EVA1C: variants seen among roughly 807,000 people sequenced by gnomAD.
EVA1C encodes eva-1 homolog C.
EVA1C carries 25 observed loss-of-function variants against 45.4 expected under a neutral mutation model. The ratio of observed to expected loss-of-function variants is 0.55; its 90% confidence interval spans 0.40 to 0.77. EVA1C has a LOEUF of 0.77. Ranked by LOEUF, EVA1C falls within the 30% of genes least tolerant of loss-of-function variation. The pLI is 0.00. For synonymous variants in EVA1C, 190 were observed against 221.2 expected, an observed-to-expected ratio of 0.86 and a Z score of 1.25; for missense variants, 479 against 554.8, an observed-to-expected ratio of 0.86 and a Z score of 1.37.
chr21:32,508,441 A>T (rs1337603585), intron 7 of EVA1C, among the ~76,000 whole-genome samples: 1 of 152,106 alleles, frequency 6.6e-6, no homozygotes, highest in Non-Finnish European at 1.5e-5. Flanking sequence ...TAAGGGAGGA[A>T]CTCTAGGGCC....
At chr21:32,504,421 G>T (rs2037657229) in intron 7 of EVA1C, among the ~76,000 whole-genome samples, 1 of 152,200 alleles carries the variant, frequency 6.6e-6, no homozygotes, top group Non-Finnish European at 1.5e-5. Context: ...TGAAGACAGA[G>T]CCACTTTCTG....
At chr21:32,421,202 G>C (rs1268733110) in intron 1 of EVA1C, among the ~76,000 whole-genome samples, 5 of 116,942 alleles carry the variant, frequency 4.3e-5, no homozygotes, top group African/African-American at 1.8e-4. Flanking sequence ...AGAGAACTAG[G>C]GATGATAGCT....
At chr21:32,467,903 A>AG in intron 4 of EVA1C, 55 bp downstream of exon 4, 3 of 1,118,104 alleles carry the variant, frequency 2.7e-6, no homozygotes, top group Non-Finnish European at 3.6e-6. Flanking sequence ...CAGAATTAAT[A>AG]GAATATATAT....
chr21:32,422,411 A>G (rs1311371640), intron 1 of EVA1C, among the ~76,000 whole-genome samples: 1 of 152,188 alleles, frequency 6.6e-6, no homozygotes, highest in Non-Finnish European at 1.5e-5. Context: ...GGAAAAGGAG[A>G]GAGAGGCAAC....
chr21:32,514,862 G>T lies in EVA1C; in HGVS notation c.998G>T (p.Gly333Val), dbSNP rs2038085595. ...ALLFVSSVCI[G>V]LALTLCALVI... is the part of the protein sequence containing the mutation. ...CTGTTCGTGTCCAGTGTCTGCATCG[G>T]CCTGGCCCTCACACTGTGCGCCCTG... The change falls in exon 8 of 8, where the codon GGC becomes GTC. Residue 333 changes from glycine to valine, a missense_variant. Gly to Val is a moderately radical substitution (Grantham distance 109). Around this residue, in one of 3 missense-constraint regions of EVA1C, gnomAD observed 366 missense variants for 426.1 expected, o/e 0.86. Transcript: ENST00000300255. The T allele has an allele frequency of 1.9e-6, 3 of 1,608,646 alleles. No homozygotes were observed. The highest frequency in any genetic ancestry group is 2.5e-6 in the Non-Finnish European group (3 of 1,177,208).
At chr21:32,418,213 C>T (rs2146101994) in intron 1 of EVA1C, among the ~76,000 whole-genome samples, 1 of 152,288 alleles carries the variant, frequency 6.6e-6, no homozygotes, top group East Asian at 1.9e-4. Flanking sequence ...TTTATCTTTA[C>T]TTTAAAAAAA....
intron 2 of EVA1C, among the ~76,000 whole-genome samples, chr21:32,454,574 C>T (rs1006608209): frequency 6.6e-6 from 1 of 151,502 alleles, no homozygotes; most frequent in Non-Finnish European, 1.5e-5. Flanking sequence ...ACTAGTTGAC[C>T]AGGATTACTG....
intron 1 of EVA1C, among the ~76,000 whole-genome samples, chr21:32,425,737 G>T (rs990515949): frequency 3.3e-5 from 5 of 152,118 alleles, no homozygotes; most frequent in Non-Finnish European, 7.3e-5. Flanking sequence ...GAGTGATTTT[G>T]TCCCTTGGGA....
intron 1 of EVA1C, among the ~76,000 whole-genome samples, chr21:32,431,171 C>T (rs975107854): frequency 6.6e-6 from 1 of 152,168 alleles, no homozygotes; most frequent in Non-Finnish European, 1.5e-5. Flanking sequence ...TTCTTGAATG[C>T]ACATTGGCCT....
In EVA1C at chr21:32,453,386, C is replaced by A. The variant is rs551596759; in HGVS notation, c.235C>A (p.Arg79=). 2.5e-6 allele frequency: 4 copies of A among 1,611,580 alleles called. No homozygotes were observed. The highest frequency in any genetic ancestry group is 2.5e-6 in the Non-Finnish European group (3 of 1,179,498). The change falls in exon 2 of 8, where the codon CGG becomes AGG. Residue 79 remains arginine (R), a synonymous_variant. Coordinates refer to ENST00000300255, the MANE Select transcript of EVA1C (RefSeq NM_058187.5). The part of the protein sequence containing the change: ...DGDYLNLQCP[R]HSTISVQSAF... Reference sequence around the variant, plus strand: ...GGACTATTTGAATCTACAGTGCCCTCGGCATTCTACGATAAGTGTCCAATC... The same window carrying A: ...GGACTATTTGAATCTACAGTGCCCTAGGCATTCTACGATAAGTGTCCAATC...
chr21:32,434,537 G>C (rs1182856871), intron 1 of EVA1C, among the ~76,000 whole-genome samples: 1 of 152,004 alleles, frequency 6.6e-6, no homozygotes, highest in Admixed American at 6.6e-5. Context: ...CTTGCAGTGA[G>C]CCGAGATAGC....
intron 4 of EVA1C, among the ~76,000 whole-genome samples, chr21:32,494,219 T>C (rs2037265528): frequency 6.6e-6 from 1 of 152,222 alleles, no homozygotes; most frequent in African/African-American, 2.4e-5. Context: ...CAAATCTTCA[T>C]GTCAATTAGT....
Position 32,503,367 on chromosome 21 carries a change from G to A in EVA1C, c.860-559G>A, listed in dbSNP as rs184947292. Among the ~76,000 whole-genome samples the A allele has an allele frequency of 6.5e-4, 99 of 152,316 alleles. 1 individual carries two copies. The highest frequency in any genetic ancestry group is 2.1e-3 in the African/African-American group (88 of 41,572). On this transcript the variant is annotated intron_variant, in intron 6 of 7. Transcript: ENST00000300255. ...TCGAGACCAACCTGGCCAACATGGT[G>A]AAGCCCCATCTCTAATAAAAATACA... is the stretch of plus-strand genomic sequence containing the variant.
Position 32,492,940 on chromosome 21 carries a change from G to A in EVA1C, c.635-2087G>A, listed in dbSNP as rs116481391. Among the ~76,000 whole-genome samples, 1,378 of 152,140 alleles carry A rather than the reference G, an allele frequency of 9.1e-3. 33 individuals carry two copies. Among genetic ancestry groups the A allele is most frequent in the African/African-American group, 0.032 (1,322 of 41,508 alleles). ...GTGTGAGGTTACTGAACCTCTCTGT[G>A]TCTGCTGTCTCAGCCACAAAATTGA... On this transcript the variant is annotated intron_variant, in intron 4 of 7. Coordinates refer to ENST00000300255, the MANE Select transcript of EVA1C (RefSeq NM_058187.5).
intron 1 of EVA1C, among the ~76,000 whole-genome samples, chr21:32,436,809 C>G (rs2034972227): frequency 1.3e-5 from 2 of 151,308 alleles, no homozygotes; most frequent in Admixed American, 1.3e-4. Flanking sequence ...CATATTGTTG[C>G]TGGTGTCTCG....
rs2035599556 is a variant in EVA1C, at chr21:32,452,085, T to C, written c.161-1227T>C. 1 of 152,232 alleles carries C rather than the reference T, an allele frequency of 6.6e-6. No individual in the cohort carries two copies. The highest frequency in any genetic ancestry group is 6.5e-5 in the Admixed American group (1 of 15,280). The allele number at this position is 152,232 out of a possible 1,614,324, so 9.4% of individuals were successfully genotyped here. A position where few individuals can be genotyped will look rare whatever the true frequency, so the allele number is the denominator to read the frequency against. On this transcript the variant is annotated intron_variant, in intron 1 of 7. Coordinates refer to ENST00000300255, the MANE Select transcript of EVA1C (RefSeq NM_058187.5). The surrounding 1 kb of genome is among the most constrained non-coding windows in gnomAD (Gnocchi z 4.0). ...TTTCTTGAAATGAAATTGCATCCTCTCATTCCAATAAGGCATGGCCTCACT... is the reference window on the plus strand; with the variant it reads ...TTTCTTGAAATGAAATTGCATCCTCCCATTCCAATAAGGCATGGCCTCACT...
At chr21:32,502,033 TTTCTTTCTTTCTTTCTTTC>T (rs1318552804) in intron 6 of EVA1C, among the ~76,000 whole-genome samples, 13 of 115,804 alleles carry the variant, frequency 1.1e-4, no homozygotes, top group Admixed American at 2.5e-4. Flanking sequence ...TCTTTCTTTC[TTTCTTTCTTTCTTTCTTTC>T]TTCTTTCTTT....
intron 7 of EVA1C, among the ~76,000 whole-genome samples, chr21:32,506,040 C>T (rs749560129): frequency 5.9e-5 from 9 of 152,010 alleles, no homozygotes; most frequent in Non-Finnish European, 1.0e-4. Flanking sequence ...TCCAGCTACT[C>T]TGAATTTTGA....
Position 32,412,788 on chromosome 21 carries a change from C to G in EVA1C, c.-66C>G, listed in dbSNP as rs545412012. On this transcript the variant is annotated 5_prime_UTR_variant, in exon 1 of 8. Coordinates refer to ENST00000300255, the MANE Select transcript of EVA1C (RefSeq NM_058187.5). Reference sequence around the variant, plus strand: ...ATCGATTCTCCCCGCCATGTGACGCCGTCCTTAGCCCTGCGACCCCCAGCG... The same window carrying G: ...ATCGATTCTCCCCGCCATGTGACGCGGTCCTTAGCCCTGCGACCCCCAGCG... 80 of 1,297,470 alleles carry G rather than the reference C, an allele frequency of 6.2e-5. No homozygotes were observed. The East Asian group carries it at 2.3e-3, about 38-fold the overall frequency. 80.4% of individuals were successfully genotyped at this position (1,297,470 alleles called of 1,614,324 possible).
Sources: gnomAD v4.1 joint callset for allele counts (sites outside exome capture counted in the v4.1 genomes callset) on GRCh38, gnomAD v4.1.1 for gene constraint, gnomAD v4.1.1 regional missense constraint, Gnocchi (gnomAD v3.1) non-coding constraint, MANE v1.5 for transcripts, NCBI Gene and HGNC (gene_info 2026-07-23, HGNC 2026-07-21) for gene names.